Variants in BICD1 observed in about 807,000 individuals in gnomAD.
BICD1 encodes protein bicaudal D homolog 1.
In BICD1, 35 loss-of-function variants were observed where a neutral mutation model predicts 92.5. That is an observed-to-expected ratio of 0.38 (90% CI 0.29 to 0.50). The LOEUF (loss-of-function observed/expected upper bound fraction) is 0.50, where lower values mean the gene tolerates loss of function less well. Ranked by LOEUF, BICD1 falls within the 20% of genes least tolerant of loss-of-function variation. BICD1 has a pLI of 0.93. For synonymous variants in BICD1, 429 were observed against 465.1 expected (o/e 0.92, Z 1.00); for missense variants, 950 against 1,189.8 (o/e 0.80, Z 2.97).
At chr12:32,239,393 C>T (rs572942527) in intron 2 of BICD1, among the ~76,000 whole-genome samples, 1 of 150,666 alleles carries the variant, frequency 6.6e-6, no homozygotes, top group East Asian at 2.0e-4. Flanking sequence ...ATGGAGAAAC[C>T]CTGTCTCTAC....
intron 6 of BICD1, among the ~76,000 whole-genome samples, chr12:32,335,780 T>A (rs1938093466): frequency 1.3e-5 from 2 of 151,838 alleles, no homozygotes; most frequent in Admixed American, 1.3e-4. Context: ...AGGCAGGGTC[T>A]CGCCATGTTG....
intron 2 of BICD1, among the ~76,000 whole-genome samples, chr12:32,258,102 C>T (rs1209396078): frequency 6.6e-6 from 1 of 152,108 alleles, no homozygotes; most frequent in Admixed American, 6.5e-5. Context: ...TAGAGACTGC[C>T]AAACAATTTT....
intron 1 of BICD1, among the ~76,000 whole-genome samples, chr12:32,215,689 C>A (rs954051295): frequency 6.6e-6 from 1 of 151,918 alleles, no homozygotes; most frequent in African/African-American, 2.4e-5. Context: ...GTGGCTTATG[C>A]CTGTAATCCC....
chr12:32,216,457 G>T lies in BICD1; in HGVS notation c.424G>T (p.Glu142Ter). ...RLTAVVQDLK[E>*]NNEMVELQRI... Reference sequence around the variant, plus strand: ...CACCGCAGTCGTGCAGGATCTGAAGGAGGTAAATAAACAAATTCCCTATGA... The same window carrying T: ...CACCGCAGTCGTGCAGGATCTGAAGTAGGTAAATAAACAAATTCCCTATGA... Residue 142 changes from glutamate (E) to a stop codon, truncating the protein, a stop_gained and splice_region_variant, in exon 2 of 10, where the codon GAG (glutamate) becomes TAG (stop). Coordinates refer to ENST00000652176, the MANE Select transcript of BICD1 (RefSeq NM_001714.4). LOFTEE classifies it high-confidence loss of function. 6.2e-7 allele frequency: 1 copy of T among 1,613,790 alleles called. No individual in the cohort carries two copies. Among genetic ancestry groups the T allele is most frequent in the South Asian group, 1.1e-5 (1 of 91,022 alleles).
intron 1 of BICD1, among the ~76,000 whole-genome samples, chr12:32,176,415 T>C (rs940363056): frequency 3.3e-5 from 5 of 152,232 alleles, no homozygotes; most frequent in African/African-American, 4.8e-5. Flanking sequence ...ATCATTTACA[T>C]TGAGGTATAA....
Position 32,337,505 on chromosome 12 carries a change from T to G in BICD1, c.2259T>G (p.Asp753Glu), listed in dbSNP as rs199504080. 6.2e-6 allele frequency: 10 copies of G among 1,606,918 alleles called. No individual in the cohort carries two copies. The highest frequency in any genetic ancestry group is 4.0e-5 in the African/African-American group (3 of 74,780). The change falls in exon 7 of 10, where the codon GAT becomes GAG. Residue 753 changes from aspartate (D) to glutamate (E), a missense_variant. Asp to Glu is a conservative substitution (Grantham distance 45). Around this residue, in one of 5 missense-constraint regions of BICD1, gnomAD observed 309 missense variants for 499.4 expected, o/e 0.62. Transcript: ENST00000652176. This position sits in a 1 kb window ranked among gnomAD's most constrained non-coding sequence, Gnocchi z 4.7. Reference protein sequence around the residue: ...SLRAMFATRCDEYVTQLDEMQ... With the variant: ...SLRAMFATRCEEYVTQLDEMQ... Reference sequence around the variant, plus strand: ...TTCTCTGTTTTGGTTCCAGATGTGATGAATATGTCACCCAGTTGGATGAGA... The same window carrying G: ...TTCTCTGTTTTGGTTCCAGATGTGAGGAATATGTCACCCAGTTGGATGAGA...
intron 3 of BICD1, among the ~76,000 whole-genome samples, chr12:32,300,631 ATTTTTTTTTTTTT>A (rs34219566): frequency 2.9e-4 from 23 of 80,566 alleles, no homozygotes; most frequent in East Asian, 5.9e-4. Flanking sequence ...ACTTTACAGT[ATTTTTTTTTTTTT>A]TTTTTTTTTT....
At chr12:32,291,037 G>A (rs1262516654) in intron 2 of BICD1, among the ~76,000 whole-genome samples, 2 of 152,194 alleles carry the variant, frequency 1.3e-5, no homozygotes, top group Non-Finnish European at 2.9e-5. Context: ...AGCTGGAACT[G>A]CATCAGTGAT....
chr12:32,378,509 A>C lies in BICD1; in HGVS notation c.*882A>C, dbSNP rs1036788096. ...TGTATGTGTGTGATAACGTTAAAGA[A>C]GGCTCAATAACTTGAAGGGAAAAAA... On this transcript the variant is annotated 3_prime_UTR_variant, in exon 10 of 10. Transcript: ENST00000652176. 6.6e-6 allele frequency: 1 copy of C among 152,196 alleles called. No homozygotes were observed. Among genetic ancestry groups the C allele is most frequent in the Non-Finnish European group, 1.5e-5 (1 of 68,024 alleles). The allele number at this position is 152,196 out of a possible 1,614,324, so 9.4% of individuals were successfully genotyped here. A position where few individuals can be genotyped will look rare whatever the true frequency, so the allele number is the denominator to read the frequency against.
intron 1 of BICD1, among the ~76,000 whole-genome samples, chr12:32,147,748 T>TAA (rs1342431330): frequency 6.6e-6 from 1 of 152,194 alleles, no homozygotes; most frequent in Non-Finnish European, 1.5e-5. Flanking sequence ...AATAGACACT[T>TAA]AAAGTTCAGA....
intron 1 of BICD1, among the ~76,000 whole-genome samples, chr12:32,147,080 A>G (rs1021008405): frequency 5.3e-5 from 8 of 152,000 alleles, no homozygotes; most frequent in Admixed American, 2.6e-4. Context: ...AGCTAAGACC[A>G]TAGGTGTGAG....
intron 2 of BICD1, among the ~76,000 whole-genome samples, chr12:32,274,561 C>T (rs1947229228): frequency 6.6e-6 from 1 of 152,124 alleles, no homozygotes; most frequent in Non-Finnish European, 1.5e-5. Context: ...ATATATTTTT[C>T]AGAAATAGTA....
At chr12:32,133,195 A>G (rs1332474708) in intron 1 of BICD1, among the ~76,000 whole-genome samples, 1 of 152,134 alleles carries the variant, frequency 6.6e-6, no homozygotes, top group Non-Finnish European at 1.5e-5. Context: ...TAATTTTAAG[A>G]TGAGTCTCCT....
At chr12:32,171,085 G>A (rs1440860267) in intron 1 of BICD1, among the ~76,000 whole-genome samples, 2 of 152,196 alleles carry the variant, frequency 1.3e-5, no homozygotes, top group African/African-American at 2.4e-5. Flanking sequence ...ATGATAGACC[G>A]TTCTTAGAAG....
At chr12:32,190,103 TAG>T (rs1478340867) in intron 1 of BICD1, among the ~76,000 whole-genome samples, 6 of 151,972 alleles carry the variant, frequency 3.9e-5, no homozygotes, top group Non-Finnish European at 8.8e-5. Flanking sequence ...CTACCTTTAG[TAG>T]AAACACAGAA....
chr12:32,329,108 T>A (rs971068653), intron 5 of BICD1, among the ~76,000 whole-genome samples: 3 of 151,982 alleles, frequency 2.0e-5, no homozygotes, highest in Admixed American at 6.6e-5. Flanking sequence ...TATTATTATT[T>A]TTTATTTTTG....
intron 1 of BICD1, among the ~76,000 whole-genome samples, chr12:32,155,187 C>T (rs2121457786): frequency 6.6e-6 from 1 of 152,226 alleles, no homozygotes; most frequent in Admixed American, 6.5e-5. Flanking sequence ...CAGCTGTACT[C>T]CATCGGCCAC....
intron 1 of BICD1, among the ~76,000 whole-genome samples, chr12:32,139,474 C>G (rs1469626970): frequency 6.6e-6 from 1 of 152,148 alleles, no homozygotes; most frequent in Non-Finnish European, 1.5e-5. Context: ...TTTTCCTTAT[C>G]CCTTACACGT....
intron 1 of BICD1, among the ~76,000 whole-genome samples, chr12:32,130,359 G>A (rs567474763): frequency 5.3e-5 from 8 of 151,882 alleles, no homozygotes; most frequent in Admixed American, 1.3e-4. Flanking sequence ...GCCTGCCACC[G>A]CGCTCGGCTA....
Sources: allele counts gnomAD v4.1 joint callset (sites outside exome capture counted in the v4.1 genomes callset), GRCh38; gene constraint gnomAD v4.1.1; regional missense constraint gnomAD v4.1.1; non-coding constraint Gnocchi (gnomAD v3.1); transcripts MANE v1.5; gene names NCBI Gene and HGNC (gene_info 2026-07-23, HGNC 2026-07-21).